TBX5: variants seen among roughly 807,000 people sequenced by gnomAD.
The protein encoded by TBX5 is T-box transcription factor TBX5.
A neutral mutation model predicts 51.1 loss-of-function variants in TBX5; 8 were observed. The observed-to-expected ratio is 0.16, with a 90% CI of 0.09 to 0.28. TBX5 has a LOEUF of 0.28. TBX5 is among the 10% of genes least tolerant of loss of function. TBX5 has a pLI of 1.00. For synonymous variants in TBX5, 302 were observed against 266.4 expected (o/e 1.13, Z -1.30); for missense variants, 589 against 671.7 (o/e 0.88, Z 1.36).
intron 6 of TBX5, among the ~76,000 whole-genome samples, chr12:114,392,564 G>T (rs899822105): frequency 6.6e-6 from 1 of 152,102 alleles, no homozygotes; most frequent in South Asian, 2.1e-4. Flanking sequence ...TTTTTAAGCC[G>T]GTCACTTTTA....
At chr12:114,394,329 A>C (rs1871305870) in intron 6 of TBX5, among the ~76,000 whole-genome samples, 4 of 152,112 alleles carry the variant, frequency 2.6e-5, no homozygotes. Flanking sequence ...GGAGTGAAAA[A>C]TATTAAAAAG....
At chr12:114,371,584 T>C (rs986620351) in intron 7 of TBX5, among the ~76,000 whole-genome samples, 22 of 147,680 alleles carry the variant, frequency 1.5e-4, no homozygotes, top group African/African-American at 5.4e-4. Flanking sequence ...TTCAGATTTT[T>C]GTGTTTTTTT....
At chr12:114,362,749 C>T (rs1041831635) in intron 8 of TBX5, among the ~76,000 whole-genome samples, 8 of 152,156 alleles carry the variant, frequency 5.3e-5, no homozygotes, top group Non-Finnish European at 1.0e-4. Context: ...ACTGCAGCCT[C>T]GAACTCCTGG....
intron 3 of TBX5, among the ~76,000 whole-genome samples, chr12:114,400,568 T>TGGAG (rs1871745205): frequency 6.6e-6 from 1 of 152,226 alleles, no homozygotes; most frequent in Non-Finnish European, 1.5e-5. Context: ...AACGGTCGAA[T>TGGAG]GGAGGCCTCT....
intron 7 of TBX5, 49 bp from the exon 8 acceptor site, chr12:114,366,440 A>G (rs1357775617): frequency 1.3e-6 from 2 of 1,583,714 alleles, no homozygotes; most frequent in African/African-American, 1.3e-5. Flanking sequence ...CCTGATACAG[A>G]TTTCCTGAGT....
In TBX5 at chr12:114,403,845, G is replaced by A; in HGVS notation, c.54C>T (p.Asp18=). The change falls in exon 2 of 9, where the codon GAC becomes GAT. Residue 18 remains aspartate, a synonymous_variant. Transcript: ENST00000405440. ...FGLAHTPLEP[D]AKDLPCDSKP... is the part of the protein sequence containing the mutation. ...TCGAATCGCAGGGCAGGTCTTTTGCGTCAGGCTCCAGAGGCGTGTGCGCCA... is the reference window on the plus strand; with the variant it reads ...TCGAATCGCAGGGCAGGTCTTTTGCATCAGGCTCCAGAGGCGTGTGCGCCA... 2 of 1,614,000 alleles carry A rather than the reference G, an allele frequency of 1.2e-6. No individual in the cohort carries two copies. Among genetic ancestry groups the A allele is most frequent in the Non-Finnish European group, 1.7e-6 (2 of 1,180,008 alleles).
chr12:114,395,008 A>G, intron 5 of TBX5, 115 bp from the exon 6 acceptor site: 3 of 1,031,552 alleles, frequency 2.9e-6, no homozygotes, highest in Admixed American at 4.1e-5. Flanking sequence ...CTCGAAAAAT[A>G]GATATTTTTC....
At chr12:114,365,401 C>T (rs1474488150) in intron 8 of TBX5, among the ~76,000 whole-genome samples, 2 of 151,950 alleles carry the variant, frequency 1.3e-5, no homozygotes, top group African/African-American at 4.8e-5. Context: ...TCAATTCTTC[C>T]TCCTTAGCAG....
At chr12:114,408,022 C>T, upstream of TBX5, 3 of 985,450 alleles carry the variant, frequency 3.0e-6, no homozygotes, top group Non-Finnish European at 3.6e-6. Context: ...TGTTTATTAC[C>T]AGGCATACCC....
intron 7 of TBX5, among the ~76,000 whole-genome samples, chr12:114,367,639 G>T (rs1377252913): frequency 6.6e-6 from 1 of 151,278 alleles, no homozygotes; most frequent in Non-Finnish European, 1.5e-5. Flanking sequence ...TGGATGGGAT[G>T]TGGAAGGTTG....
intron 7 of TBX5, among the ~76,000 whole-genome samples, chr12:114,368,778 A>G (rs1869697699): frequency 6.6e-6 from 1 of 152,164 alleles, no homozygotes. Flanking sequence ...AGCACACCAG[A>G]GTGGCCAGGC....
intron 7 of TBX5, among the ~76,000 whole-genome samples, chr12:114,367,277 AT>A (rs1302674620): frequency 2.6e-5 from 4 of 152,244 alleles, no homozygotes; most frequent in Admixed American, 6.5e-5. Flanking sequence ...AAAAGAAAAA[AT>A]CAGCATGGGA....
At chr12:114,398,506 C>G in intron 5 of TBX5, 67 bp downstream of exon 5, 1 of 1,575,458 alleles carries the variant, frequency 6.3e-7, no homozygotes, top group Non-Finnish European at 8.6e-7. Context: ...GGGAGAGAAA[C>G]CCAGTGAGAA....
chr12:114,388,589 C>T (rs1870952425), intron 6 of TBX5, among the ~76,000 whole-genome samples: 1 of 151,928 alleles, frequency 6.6e-6, no homozygotes, highest in Non-Finnish European at 1.5e-5. Flanking sequence ...GTGATCCTCC[C>T]ACCTTGGCCT....
At chr12:114,371,319 G>T (rs1364523862) in intron 7 of TBX5, among the ~76,000 whole-genome samples, 1 of 152,118 alleles carries the variant, frequency 6.6e-6, no homozygotes, top group East Asian at 1.9e-4. Context: ...GCTGGCCTTG[G>T]GTATCAGCGC....
chr12:114,369,186 T>C (rs997182921), intron 7 of TBX5, among the ~76,000 whole-genome samples: 12 of 152,212 alleles, frequency 7.9e-5, no homozygotes, highest in Non-Finnish European at 2.9e-5. Flanking sequence ...CAGTTTTTCT[T>C]TTTAATTAAA....
At chr12:114,392,724 T>A (rs1383749591) in intron 6 of TBX5, among the ~76,000 whole-genome samples, 1 of 330 alleles carries the variant, frequency 3.0e-3, no homozygotes, top group African/African-American at 5.2e-3. Flanking sequence ...TTATTGCTAT[T>A]TTTTTTTTCC....
chr12:114,362,121 C>A (rs78536205), intron 8 of TBX5, among the ~76,000 whole-genome samples: 1 of 152,110 alleles, frequency 6.6e-6, no homozygotes, highest in East Asian at 1.9e-4. Context: ...CCACCCACAT[C>A]TCCAGCTTCT....
chr12:114,362,298 G>A (rs983105565), intron 8 of TBX5, among the ~76,000 whole-genome samples: 15 of 152,210 alleles, frequency 9.9e-5, no homozygotes, highest in South Asian at 2.1e-4. Flanking sequence ...TCCAATGGAC[G>A]TGCACTGGTG....
Sources: allele counts gnomAD v4.1 joint callset (sites outside exome capture counted in the v4.1 genomes callset), GRCh38; gene constraint gnomAD v4.1.1; transcripts MANE v1.5; gene names NCBI Gene and HGNC (gene_info 2026-07-23, HGNC 2026-07-21).